RNF103: variants seen among roughly 807,000 people sequenced by gnomAD.
RNF103 encodes the protein E3 ubiquitin-protein ligase RNF103.
Under a neutral mutation model 66.2 loss-of-function variants are expected in RNF103, and 23 were observed. The ratio of observed to expected loss-of-function variants is 0.35; its 90% CI spans 0.25 to 0.49. The LOEUF (loss-of-function observed/expected upper bound fraction) is 0.49, where lower values mean the gene tolerates loss of function less well. Among genes scored for constraint, RNF103 ranks in the 20% least tolerant of loss-of-function variants. The pLI, the probability that RNF103 is intolerant of heterozygous loss-of-function variation, is 0.98. For synonymous variants in RNF103, 297 were observed against 289.9 expected (o/e 1.02, Z -0.25); for missense variants, 730 against 814.7 (o/e 0.90, Z 1.27).
At chr2:86,612,108 A>C (rs1678819294) in intron 3 of RNF103, 51 bp downstream of exon 3, 1 of 1,209,838 alleles carries the variant, frequency 8.3e-7, no homozygotes, top group Non-Finnish European at 1.2e-6. Context: ...TTTTTAAATA[A>C]GAAAGATCCT....
At chr2:86,620,284 T>C (rs1165852335) in intron 2 of RNF103, 46 bp downstream of exon 2, 1 of 1,527,610 alleles carries the variant, frequency 6.5e-7, no homozygotes, top group African/African-American at 1.4e-5. Flanking sequence ...GTAAAAATAA[T>C]TTTTTTAGGG....
intron 3 of RNF103, among the ~76,000 whole-genome samples, chr2:86,606,545 C>G (rs1053577525): frequency 2.8e-4 from 43 of 151,658 alleles, no homozygotes; most frequent in Non-Finnish European, 4.9e-4. Flanking sequence ...TGCCTGTAAT[C>G]CCAGCTACTT....
At chr2:86,617,883 A>G in intron 2 of RNF103, 1 of 1,065,054 alleles carries the variant, frequency 9.4e-7, no homozygotes, top group Non-Finnish European at 1.2e-6. Context: ...ACAGGGTTTC[A>G]ATCTCATTCT....
Position 86,620,332 on chromosome 2 carries a change from G to T in RNF103, c.364C>A (p.Gln122Lys). Reference protein sequence around the residue: ...EDTKDGIWLVQVIANDRSPLV... With the variant: ...EDTKDGIWLVKVIANDRSPLV... ...CAAATTATTACTGCTTTTCATACCT[G>T]AACCAGCCAGATGCCATCTTTTGTG... The change falls in exon 2 of 4, where the codon CAG (glutamine) becomes AAG (lysine). Residue 122 changes from glutamine to lysine, a missense_variant and splice_region_variant. Physicochemically the swap from Gln to Lys is moderately conservative, Grantham distance 53 (BLOSUM62 1). Coordinates refer to ENST00000237455, the MANE Select transcript of RNF103 (RefSeq NM_005667.4). 1.3e-6 allele frequency: 2 copies of T among 1,597,962 alleles called. No homozygotes were observed. Among genetic ancestry groups the T allele is most frequent in the Non-Finnish European group, 1.7e-6 (2 of 1,169,320 alleles).
intron 3 of RNF103, among the ~76,000 whole-genome samples, chr2:86,608,185 G>C (rs573717055): frequency 3.3e-4 from 50 of 152,192 alleles, no homozygotes; most frequent in Non-Finnish European, 6.3e-4. Flanking sequence ...TGCTGATGTG[G>C]CATGCTATAT....
At chr2:86,606,657 C>T (rs1397346450) in intron 3 of RNF103, among the ~76,000 whole-genome samples, 1 of 88,814 alleles carries the variant, frequency 1.1e-5, no homozygotes, top group Admixed American at 1.5e-4. Context: ...AGCAAAACTT[C>T]GTCTCAAAAA....
In RNF103 at chr2:86,623,856, G is replaced by T. The variant is rs1190065163; in HGVS notation, c.-970C>A. 6 of 1,287,778 alleles carry T rather than the reference G, an allele frequency of 4.7e-6. No individual in the cohort carries two copies. The highest frequency in any genetic ancestry group is 6.1e-6 in the Non-Finnish European group (6 of 988,286). 79.8% of individuals were successfully genotyped at this position (1,287,778 alleles called of 1,614,324 possible). A position where few individuals can be genotyped will look rare whatever the true frequency, so the allele number is the denominator to read the frequency against. On this transcript the variant is annotated 5_prime_UTR_variant, in exon 1 of 4. Coordinates refer to ENST00000237455, the MANE Select transcript of RNF103 (RefSeq NM_005667.4). ...ATCAGCGGCGGCCGCGGCCGGAGCC[G>T]AGACATAACAACTGACGTCGCGATG... is the stretch of plus-strand genomic sequence containing the variant.
chr2:86,604,532 T>C lies in RNF103; in HGVS notation c.1369A>G (p.Ser457Gly), dbSNP rs1159129032. 6.2e-7 allele frequency: 1 copy of C among 1,614,092 alleles called. No homozygotes were observed. The highest frequency in any genetic ancestry group is 8.5e-7 in the Non-Finnish European group (1 of 1,180,052). ...TAGCTGGTGTACCAGTCCCACAGAC[T>C]TGATAACCATTCTAAGTTATTGGCA... ...VNANNLEWLS[S>G]LWDWYTSYLF... The change falls in exon 4 of 4, where the codon AGT (serine) becomes GGT (glycine). Residue 457 changes from serine (S) to glycine (G), a missense_variant. Ser to Gly is a moderately conservative substitution (Grantham distance 56). This residue lies in a region of RNF103 where 355 missense variants were observed against 351.9 expected (regional missense o/e 1.01). Transcript: ENST00000237455.
At chr2:86,615,520 T>TTATATATATATATCTATATATATATATA in intron 2 of RNF103, among the ~76,000 whole-genome samples, 1 of 142,312 alleles carries the variant, frequency 7.0e-6, no homozygotes, top group Admixed American at 7.2e-5. Context: ...TACATATGCC[T>TTATATATATATATCTATATATATATATA]TATATATATA....
At chr2:86,611,615 GA>G (rs772475169) in intron 3 of RNF103, among the ~76,000 whole-genome samples, 1 of 152,052 alleles carries the variant, frequency 6.6e-6, no homozygotes, top group Non-Finnish European at 1.5e-5. Context: ...AAATGGGGGG[GA>G]AAACCGGCGA....
At chr2:86,609,053 T>A (rs1351645847) in intron 3 of RNF103, among the ~76,000 whole-genome samples, 3 of 152,152 alleles carry the variant, frequency 2.0e-5, no homozygotes, top group Non-Finnish European at 2.9e-5. Flanking sequence ...AGTGTGGCAG[T>A]GTTGAGAGGT....
At position 86,607,592 on chromosome 2, in the gene RNF103, C is replaced by A. The variant is rs116299546; in HGVS notation, c.483-2174G>T. The stretch of plus-strand genomic sequence containing the variant: ...ATGGTCTGAAAAGTATATATTCCTA[C>A]AAAATAAATATCTTCTACTCAATGC... On this transcript the variant is annotated intron_variant, in intron 3 of 3. Transcript: ENST00000237455. Among the ~76,000 whole-genome samples the A allele has an allele frequency of 5.2e-3, 787 of 152,280 alleles. 8 individuals carry two copies. The highest frequency in any genetic ancestry group is 0.018 in the African/African-American group (730 of 41,556).
intron 2 of RNF103, chr2:86,617,516 G>A: frequency 4.0e-6 from 2 of 497,334 alleles, no homozygotes; most frequent in Non-Finnish European, 2.6e-6. Context: ...CTTTATCACA[G>A]GTATGTATGT....
intron 2 of RNF103, chr2:86,614,809 C>T: frequency 8.1e-6 from 8 of 983,014 alleles, no homozygotes; most frequent in Non-Finnish European, 9.7e-6. Context: ...TCTGTGCAAT[C>T]ATACTACCAT....
Position 86,617,128 on chromosome 2 carries a change from T to C in RNF103, c.366+3202A>G, listed in dbSNP as rs553452709. 7.1e-6 allele frequency: 7 copies of C among 985,088 alleles called. No homozygotes were observed. The African/African-American group carries it at 8.7e-5, about 12-fold the overall frequency. 61.0% of individuals were successfully genotyped at this position (985,088 alleles called of 1,614,324 possible). On this transcript the variant is annotated intron_variant, in intron 2 of 3. Coordinates refer to ENST00000237455, the MANE Select transcript of RNF103 (RefSeq NM_005667.4). ...GTGTGTCATTGGTAAAGATGTCATATGTATGTTGCTACCTTGAAAACTAAA... is the reference window on the plus strand; with the variant it reads ...GTGTGTCATTGGTAAAGATGTCATACGTATGTTGCTACCTTGAAAACTAAA...
rs1167794043 is a variant in RNF103, at chr2:86,623,785, C to T, written c.-899G>A. ...CCGGTCGCAGCACCCGTCCCCAACA[C>T]CCCCGCCACCTCCGGAGACCGCGGC... On this transcript the variant is annotated 5_prime_UTR_variant, in exon 1 of 4. It adds an upstream start codon to the 5' untranslated region. Coordinates refer to ENST00000237455, the MANE Select transcript of RNF103 (RefSeq NM_005667.4). 2.3e-6 allele frequency: 3 copies of T among 1,282,916 alleles called. No homozygotes were observed. Among genetic ancestry groups the T allele is most frequent in the South Asian group, 1.2e-5 (1 of 80,466 alleles). 79.5% of individuals were successfully genotyped at this position (1,282,916 alleles called of 1,614,324 possible).
Position 86,606,403 on chromosome 2 carries a change from A to G in RNF103, c.483-985T>C, listed in dbSNP as rs192138187. On this transcript the variant is annotated intron_variant, in intron 3 of 3. Transcript: ENST00000237455. ...AAACAGGCTGGGTGCAGTGGCTCAC[A>G]CCTGTAATCCCAGCACTTTGGGAGG... is the stretch of plus-strand genomic sequence containing the variant. Among the ~76,000 whole-genome samples, 600 of 152,190 alleles carry G rather than the reference A, an allele frequency of 3.9e-3. 9 individuals carry two copies. Among genetic ancestry groups the G allele is most frequent in the African/African-American group, 0.013 (543 of 41,514 alleles).
At chr2:86,615,749 T>C (rs867402111) in intron 2 of RNF103, among the ~76,000 whole-genome samples, 7 of 151,978 alleles carry the variant, frequency 4.6e-5, no homozygotes, top group Admixed American at 3.3e-4. Flanking sequence ...ACAGCTTGAG[T>C]TCCAGGTGTG....
chr2:86,623,385 T>A lies in RNF103; in HGVS notation c.-499A>T. 1 of 976,046 alleles carries A rather than the reference T, an allele frequency of 1.0e-6. No individual in the cohort carries two copies. Among genetic ancestry groups the A allele is most frequent in the African/African-American group, 1.8e-5 (1 of 56,610 alleles). The allele number at this position is 976,046 out of a possible 1,614,324, so 60.5% of individuals were successfully genotyped here. A position where few individuals can be genotyped will look rare whatever the true frequency, so the allele number is the denominator to read the frequency against. On this transcript the variant is annotated 5_prime_UTR_variant, in exon 1 of 4. Transcript: ENST00000237455. ...GCCCGAGGGGCCGTGGGGGCCGGAC[T>A]CCCGCGGCCGCGGGTCAGGAGGGCG...
Sources: gnomAD v4.1 joint callset for allele counts (sites outside exome capture counted in the v4.1 genomes callset) on GRCh38, gnomAD v4.1.1 for gene constraint, gnomAD v4.1.1 regional missense constraint, MANE v1.5 for transcripts, NCBI Gene and HGNC (gene_info 2026-07-23, HGNC 2026-07-21) for gene names.